Variants in UBA6 observed in about 807,000 individuals in gnomAD.
UBA6 encodes the protein ubiquitin-like modifier-activating enzyme 6.
In UBA6, 87 loss-of-function variants were observed where a neutral mutation model predicts 148.3. That is an observed-to-expected ratio of 0.59 (90% CI 0.49 to 0.70). The LOEUF (loss-of-function observed/expected upper bound fraction) is 0.70, where lower values mean the gene tolerates loss of function less well. Among genes scored for constraint, UBA6 ranks in the 30% least tolerant of loss-of-function variants. The pLI, the probability that UBA6 is intolerant of heterozygous loss-of-function variation, is 0.00. For synonymous variants in UBA6, 376 were observed against 401.0 expected, an observed-to-expected ratio of 0.94 and a Z score of 0.75; for missense variants, 1,186 against 1,241.2, an observed-to-expected ratio of 0.96 and a Z score of 0.67.
At chr4:67,633,970 C>A (rs931699830) in intron 22 of UBA6, among the ~76,000 whole-genome samples, 1 of 151,958 alleles carries the variant, frequency 6.6e-6, no homozygotes, top group Non-Finnish European at 1.5e-5. Flanking sequence ...TTATTTGTAG[C>A]CCTTCTATCA....
At chr4:67,677,537 G>T in intron 6 of UBA6, 74 bp downstream of exon 6, 2 of 702,566 alleles carry the variant, frequency 2.8e-6, no homozygotes, top group Non-Finnish European at 4.7e-6. Flanking sequence ...GGTTAAATTA[G>T]TTAAACATAT....
intron 2 of UBA6, among the ~76,000 whole-genome samples, chr4:67,688,463 A>G (rs1730621088): frequency 6.6e-6 from 1 of 152,086 alleles, no homozygotes. Flanking sequence ...CAGAGGTAGT[A>G]AAAAAATAAA....
At chr4:67,645,582 G>A (rs1207864140) in intron 16 of UBA6, among the ~76,000 whole-genome samples, 11 of 151,114 alleles carry the variant, frequency 7.3e-5, no homozygotes, top group African/African-American at 2.7e-4. Context: ...GAGTGACAGA[G>A]CGAGACTTTG....
chr4:67,673,418 G>GAAAAAAAAAAAAAAAAAAAAAAAAA (rs566565882), intron 7 of UBA6, among the ~76,000 whole-genome samples: 1 of 102,184 alleles, frequency 9.8e-6, no homozygotes, highest in African/African-American at 3.7e-5. Flanking sequence ...TCTGTCTCGG[G>GAAAAAAAAAAAAAAAAAAAAAAAAA]AAAAAAAAAA....
At chr4:67,651,316 A>C (rs1273329838) in intron 13 of UBA6, among the ~76,000 whole-genome samples, 2 of 152,152 alleles carry the variant, frequency 1.3e-5, no homozygotes. Flanking sequence ...CCAGAAAAGA[A>C]AAGAAATACT....
intron 16 of UBA6, 103 bp downstream of exon 16, chr4:67,645,835 C>T: frequency 2.0e-6 from 1 of 499,432 alleles, no homozygotes. Context: ...ATTACAACTA[C>T]TCACCTGTAC....
Position 67,645,944 on chromosome 4 carries a change from G to T in UBA6, c.1389C>A (p.Ile463=). ...TLCQKLQNLN[I]FLVGCGAIGC... ...CATGATTATTGATACTTACTAAGAA[G>T]ATGTTTAAATTTTGCAGTTTCTGAC... Residue 463 remains isoleucine, a synonymous_variant, in exon 16 of 33, where the codon ATC becomes ATA. Coordinates refer to ENST00000322244, the MANE Select transcript of UBA6 (RefSeq NM_018227.6). 6.3e-7 allele frequency: 1 copy of T among 1,581,318 alleles called. No homozygotes were observed. Among genetic ancestry groups the T allele is most frequent in the Non-Finnish European group, 8.6e-7 (1 of 1,156,780 alleles).
At chr4:67,670,643 ACT>A (rs754998969) in intron 7 of UBA6, 51 bp from the exon 8 acceptor site, 3 of 1,393,944 alleles carry the variant, frequency 2.2e-6, no homozygotes, top group South Asian at 1.2e-5. Context: ...AGAAAAAAAC[ACT>A]CTAGTATCTT....
intron 2 of UBA6, among the ~76,000 whole-genome samples, chr4:67,684,318 C>T (rs1730509098): frequency 6.6e-6 from 1 of 152,044 alleles, no homozygotes. Flanking sequence ...TGAAATAAAA[C>T]CCATTAATAT....
intron 5 of UBA6, 97 bp downstream of exon 5, chr4:67,678,342 T>G: frequency 1.5e-6 from 1 of 677,832 alleles, no homozygotes; most frequent in South Asian, 3.2e-5. Flanking sequence ...GCACTTTATA[T>G]TTAAACAACT....
chr4:67,619,748 C>T (rs1214514582), intron 32 of UBA6, among the ~76,000 whole-genome samples: 1 of 152,160 alleles, frequency 6.6e-6, no homozygotes, highest in South Asian at 2.1e-4. Context: ...GCTAGAAATA[C>T]AAAGTAAAAG....
intron 17 of UBA6, among the ~76,000 whole-genome samples, chr4:67,641,820 T>C (rs1456323887): frequency 6.6e-6 from 1 of 152,180 alleles, no homozygotes; most frequent in African/African-American, 2.4e-5. Flanking sequence ...GTCTGCAAAG[T>C]TGAAATATTT....
intron 18 of UBA6, among the ~76,000 whole-genome samples, chr4:67,639,905 A>G (rs533947604): frequency 1.6e-4 from 24 of 152,288 alleles, no homozygotes; most frequent in African/African-American, 5.5e-4. Flanking sequence ...ATCCTGGTTG[A>G]CCATGGCTAA....
intron 19 of UBA6, among the ~76,000 whole-genome samples, chr4:67,636,384 C>T (rs1729140664): frequency 6.6e-6 from 1 of 150,618 alleles, no homozygotes; most frequent in Admixed American, 6.6e-5. Flanking sequence ...CCCTCTCCTG[C>T]TCCCGCTCCC....
At chr4:67,637,782 C>T (rs1425560997) in intron 19 of UBA6, among the ~76,000 whole-genome samples, 1 of 152,024 alleles carries the variant, frequency 6.6e-6, no homozygotes, top group African/African-American at 2.4e-5. Context: ...ATCTCAAGTA[C>T]CCAGGGACAC....
intron 3 of UBA6, 147 bp downstream of exon 3, chr4:67,681,972 T>C (rs912311842): frequency 7.8e-6 from 5 of 644,120 alleles, no homozygotes; most frequent in African/African-American, 1.8e-5. Flanking sequence ...CATCACGAAA[T>C]AGTCTTGACA....
chr4:67,623,524 G>A (rs958758037), intron 30 of UBA6, among the ~76,000 whole-genome samples: 2 of 152,102 alleles, frequency 1.3e-5, no homozygotes, highest in African/African-American at 4.8e-5. Context: ...CTGTGTGGAT[G>A]TTCCAGTACC....
At chr4:67,668,912 C>T (rs193166273) in intron 8 of UBA6, among the ~76,000 whole-genome samples, 73 of 152,134 alleles carry the variant, frequency 4.8e-4, no homozygotes, top group African/African-American at 1.7e-3. Flanking sequence ...AGGAGATGTT[C>T]AAAAATTCCA....
At chr4:67,621,133 A>G (rs1186732991) in intron 32 of UBA6, among the ~76,000 whole-genome samples, 1 of 152,250 alleles carries the variant, frequency 6.6e-6, no homozygotes, top group South Asian at 2.1e-4. Flanking sequence ...AGTCCACTGC[A>G]GCATAAAATA....
Sources: allele counts gnomAD v4.1 joint callset (sites outside exome capture counted in the v4.1 genomes callset), GRCh38; gene constraint gnomAD v4.1.1; transcripts MANE v1.5; gene names NCBI Gene and HGNC (gene_info 2026-07-23, HGNC 2026-07-21).